The following DMD variants were observed in gnomAD, a reference collection of about 807,000 sequenced individuals.
DMD encodes mutant dystrophin.
In DMD, 63 loss-of-function variants were observed where a neutral mutation model predicts 330.1. The ratio of observed to expected loss-of-function variants is 0.19; its 90% CI spans 0.16 to 0.24. The LOEUF (loss-of-function observed/expected upper bound fraction) is 0.24. DMD is among the 10% of genes least tolerant of loss of function. DMD has a pLI of 1.00. For missense variants in DMD, 3,344 were observed against 2,684.1 expected (o/e 1.25, Z -5.43); for synonymous variants, 1,223 against 959.8 (o/e 1.27, Z -5.07).
At chrX:32,719,470 G>C (rs1331656029) in intron 7 of DMD, among the ~76,000 whole-genome samples, 1 of 111,600 alleles carries the variant, frequency 9.0e-6, no homozygotes, top group African/African-American at 3.3e-5. Flanking sequence ...CAAGAAATCA[G>C]AGGCAAATAA....
intron 15 of DMD, among the ~76,000 whole-genome samples, chrX:32,567,696 C>A (rs1403098859): frequency 8.9e-6 from 1 of 112,146 alleles, no homozygotes; most frequent in Admixed American, 9.5e-5. Context: ...CATACCCAGC[C>A]CAATAGATAG....
At chrX:32,034,569 G>C (rs939983716) in intron 44 of DMD, among the ~76,000 whole-genome samples, 1 of 111,290 alleles carries the variant, frequency 9.0e-6, no homozygotes, top group Non-Finnish European at 1.9e-5. Flanking sequence ...TGTAGAAAAC[G>C]TATATGCTGA....
chrX:32,174,364 T>C (rs756739965), intron 44 of DMD, among the ~76,000 whole-genome samples: 8 of 112,608 alleles, frequency 7.1e-5, no homozygotes, highest in African/African-American at 2.6e-4. Context: ...TACCTCATTG[T>C]AGGTTTCCAA....
At chrX:32,585,397 A>C (rs982141497) in intron 13 of DMD, among the ~76,000 whole-genome samples, 1 of 111,932 alleles carries the variant, frequency 8.9e-6, no homozygotes, top group African/African-American at 3.2e-5. Context: ...ACTTGCATTC[A>C]TAAAGAATAT....
chrX:32,867,719 C>A (rs1333770273), intron 2 of DMD, among the ~76,000 whole-genome samples: 3 of 111,492 alleles, frequency 2.7e-5, no homozygotes, highest in Non-Finnish European at 5.6e-5. Flanking sequence ...TTTAAAATAT[C>A]ATTATCAGCT....
chrX:31,258,531 G>T (rs1175217339), intron 63 of DMD, among the ~76,000 whole-genome samples: 5 of 112,245 alleles, frequency 4.5e-5, no homozygotes, highest in African/African-American at 1.6e-4. Flanking sequence ...TTTCAAAGGG[G>T]GCTGGAATTG....
At chrX:31,831,850 C>T (rs1472322598) in intron 49 of DMD, among the ~76,000 whole-genome samples, 11 of 112,584 alleles carry the variant, frequency 9.8e-5, no homozygotes, top group Middle Eastern at 4.6e-3. Flanking sequence ...GATCCGCCCA[C>T]CTTGGCCTCC....
intron 37 of DMD, among the ~76,000 whole-genome samples, chrX:32,355,495 A>T (rs1040758715): frequency 1.1e-4 from 12 of 111,974 alleles, no homozygotes; most frequent in African/African-American, 3.6e-4. Flanking sequence ...AATTATTTCA[A>T]ATGTTATGCT....
At chrX:32,061,155 A>T (rs1379216834) in intron 44 of DMD, among the ~76,000 whole-genome samples, 3 of 111,251 alleles carry the variant, frequency 2.7e-5, no homozygotes, top group Non-Finnish European at 5.7e-5. Flanking sequence ...AAAGATATAC[A>T]ATTCTTCAGA....
At chrX:32,924,530 GATAAAA>G (rs1344436375) in intron 2 of DMD, among the ~76,000 whole-genome samples, 2 of 111,126 alleles carry the variant, frequency 1.8e-5, no homozygotes, top group African/African-American at 6.6e-5. Flanking sequence ...GTCCCTTAAA[GATAAAA>G]ATAAAAAATA....
At chrX:31,130,343 GTAGA>G (rs1315809160) in intron 77 of DMD, among the ~76,000 whole-genome samples, 1 of 111,795 alleles carries the variant, frequency 8.9e-6, no homozygotes, top group Non-Finnish European at 1.9e-5. Context: ...TTATAGTAAA[GTAGA>G]TAATGACTTA....
rs766333161 is a variant in DMD at position 31,861,736 on chromosome X, T to C, written c.7098+13452A>G. ...TTATAAGGGAGGGAGAAGAGTGCTA[T>C]ACACACACACACACACACACACACA... On this transcript the variant is annotated intron_variant, in intron 48 of 78. Transcript: ENST00000357033. Among the ~76,000 whole-genome samples the C allele has an allele frequency of 3.1e-4, 24 of 76,869 alleles. No individual in the cohort carries two copies. The South Asian group carries it at 0.011, about 36-fold the overall frequency. 66.8% of individuals were successfully genotyped at this position (76,869 alleles called of 115,157 possible).
chrX:33,069,228 C>T (rs774721686), intron 1 of DMD, among the ~76,000 whole-genome samples: 1 of 110,874 alleles, frequency 9.0e-6, no homozygotes, highest in African/African-American at 3.3e-5. Context: ...TTTTTCATCT[C>T]CTTCAACAAG....
chrX:32,645,438 T>C (rs1274432734), intron 9 of DMD, among the ~76,000 whole-genome samples: 3 of 112,280 alleles, frequency 2.7e-5, no homozygotes, highest in African/African-American at 9.7e-5. Context: ...TGTTGCTTTT[T>C]AAATGCTATA....
chrX:32,487,397 C>A (rs776428374), intron 20 of DMD, among the ~76,000 whole-genome samples: 2 of 110,392 alleles, frequency 1.8e-5, no homozygotes, highest in East Asian at 5.7e-4. Flanking sequence ...TAATATGTAA[C>A]AACAGGAAAA....
In DMD at chrX:32,088,634, G is replaced by T. The variant is rs1466354271; in HGVS notation, c.6439-120120C>A. ...GAAGGGTTGGTGTTGAGGCAGAGGG[G>T]CTTTGGAGACTAAAGCAAATATTTA... On this transcript the variant is annotated intron_variant, in intron 44 of 78. Transcript: ENST00000357033. Among the ~76,000 whole-genome samples the T allele has an allele frequency of 4.6e-5, 5 of 109,704 alleles. No homozygotes were observed. The East Asian group carries it at 1.4e-3, about 31-fold the overall frequency.
chrX:31,951,140 T>TAC (rs200521604), intron 45 of DMD, among the ~76,000 whole-genome samples: 1 of 71,653 alleles, frequency 1.4e-5, no homozygotes, highest in African/African-American at 6.2e-5. Context: ...TATATATATA[T>TAC]GTGTATATAT....
chrX:31,273,592 C>T (rs139539984), intron 62 of DMD, among the ~76,000 whole-genome samples: 2,658 of 111,526 alleles, frequency 0.024, 39 homozygotes, highest in Middle Eastern at 0.047. Flanking sequence ...GTCAATTAAG[C>T]GAACAAGGAA....
At chrX:32,652,856 T>C in intron 9 of DMD, among the ~76,000 whole-genome samples, 1 of 112,054 alleles carries the variant, frequency 8.9e-6, no homozygotes, top group Non-Finnish European at 1.9e-5. Flanking sequence ...TTCACCATTC[T>C]AACTATGTGC....
Sources: gnomAD v4.1 joint callset for allele counts (sites outside exome capture counted in the v4.1 genomes callset) on GRCh38, gnomAD v4.1.1 for gene constraint, MANE v1.5 for transcripts, NCBI Gene and HGNC (gene_info 2026-07-23, HGNC 2026-07-21) for gene names.